The following POLR2E variants were observed in gnomAD, a reference collection of about 807,000 sequenced individuals.
POLR2E encodes RNA polymerase II, I and III subunit E.
Under a neutral mutation model 29.8 loss-of-function variants are expected in POLR2E, and 35 were observed. The observed-to-expected ratio is 1.17, with a 90% CI of 0.90 to 1.55. The LOEUF is 1.55. Ranked by LOEUF, POLR2E falls within the 40% of genes most tolerant of loss-of-function variation. The pLI is 0.00. For missense variants in POLR2E, 287 were observed against 288.6 expected (o/e 0.99, Z 0.04); for synonymous variants, 174 against 112.6 (o/e 1.55, Z -3.45).
At position 1,088,510 on chromosome 19, in the gene POLR2E, C is replaced by G. The variant is rs912917150; in HGVS notation, c.*225G>C. On this transcript the variant is annotated 3_prime_UTR_variant, in exon 8 of 8. Transcript: ENST00000615234. ...CCTCCCTCTGGGGGCCTTGTTCCTT[C>G]TGAGGCTGCATCTCGCACAAATCCA... 3 of 152,158 alleles carry G rather than the reference C, an allele frequency of 2.0e-5. No homozygotes were observed. Among genetic ancestry groups the G allele is most frequent in the African/African-American group, 7.3e-5 (3 of 41,318 alleles). 9.4% of individuals were successfully genotyped at this position (152,158 alleles called of 1,614,324 possible).
chr19:1,089,417 G>T, intron 7 of POLR2E, 55 bp downstream of exon 7: 2 of 1,185,868 alleles, frequency 1.7e-6, no homozygotes, highest in Non-Finnish European at 1.3e-6. Context: ...CCGACGGAGG[G>T]GACGACACCC....
At chr19:1,090,679 A>G (rs1176490657) in intron 4 of POLR2E, among the ~76,000 whole-genome samples, 1 of 151,612 alleles carries the variant, frequency 6.6e-6, no homozygotes. Flanking sequence ...CGGCCTCCCA[A>G]AGTGCTGGGA....
In POLR2E at chr19:1,090,983, C is replaced by A. The variant is rs1006667623; in HGVS notation, c.354G>T (p.Leu118=). 6.2e-7 allele frequency: 1 copy of A among 1,613,520 alleles called. No homozygotes were observed. Among genetic ancestry groups the A allele is most frequent in the Non-Finnish European group, 8.5e-7 (1 of 1,179,974 alleles). Residue 118 remains leucine (L), a synonymous_variant, in exon 4 of 8, where the codon CTG becomes CTT. Transcript: ENST00000615234. ...QGMTPSAKQS[L]VDMAPKYILE... is the part of the protein sequence containing the mutation. ...GGATGTACTTGGGGGCCATGTCGACCAGGGACTGGAAGAGAGCGGCTCTAA... is the reference window on the plus strand; with the variant it reads ...GGATGTACTTGGGGGCCATGTCGACAAGGGACTGGAAGAGAGCGGCTCTAA...
chr19:1,093,204 A>C (rs544882713), intron 2 of POLR2E, among the ~76,000 whole-genome samples: 21 of 152,248 alleles, frequency 1.4e-4, no homozygotes, highest in Admixed American at 3.9e-4. Flanking sequence ...AAAACAAAAA[A>C]AAAACAAAAA....
chr19:1,089,036 G>A (rs1210274777), intron 7 of POLR2E, among the ~76,000 whole-genome samples: 1 of 152,224 alleles, frequency 6.6e-6, no homozygotes, highest in Non-Finnish European at 1.5e-5. Flanking sequence ...GCCATGGGCA[G>A]AGGCTGTCCC....
chr19:1,091,167 T>A (rs889277861), intron 3 of POLR2E, among the ~76,000 whole-genome samples, 179 bp from the exon 4 acceptor site: 1 of 152,240 alleles, frequency 6.6e-6, no homozygotes, highest in African/African-American at 2.4e-5. Flanking sequence ...CCAGCCTCTC[T>A]GCTCATCGAG....
chr19:1,090,757 G>A (rs2145137404), intron 4 of POLR2E, 151 bp downstream of exon 4: 6 of 665,644 alleles, frequency 9.0e-6, no homozygotes, highest in Non-Finnish European at 1.5e-5. Context: ...TTCGGCTGCT[G>A]CAGGCCCAGG....
At chr19:1,090,765 A>G in intron 4 of POLR2E, 143 bp downstream of exon 4, 1 of 703,560 alleles carries the variant, frequency 1.4e-6, no homozygotes, top group Non-Finnish European at 2.3e-6. Context: ...CTGCAGGCCC[A>G]GGGCCACCCT....
At chr19:1,093,818 G>A in intron 2 of POLR2E, 86 bp downstream of exon 2, 1 of 1,460,046 alleles carries the variant, frequency 6.8e-7, no homozygotes, top group South Asian at 1.4e-5. Context: ...CTGGGCACCA[G>A]GCGAGTGGGG....
rs1260333177 is a variant in POLR2E, at chr19:1,087,549, C to T, written c.*1186G>A. ...CAGCCCTGGGAACCCCCATCCCCAC[C>T]CAACTCCCCAGTCCCGGGAACCCCC... is the stretch of plus-strand genomic sequence containing the variant. On this transcript the variant is annotated 3_prime_UTR_variant, in exon 8 of 8. Coordinates refer to ENST00000615234, the MANE Select transcript of POLR2E (RefSeq NM_002695.5). The T allele has an allele frequency of 3.9e-5, 6 of 152,064 alleles. No individual in the cohort carries two copies. The East Asian group carries it at 1.2e-3, about 29-fold the overall frequency. The allele number at this position is 152,064 out of a possible 1,614,324, so 9.4% of individuals were successfully genotyped here.
intron 6 of POLR2E, 151 bp downstream of exon 6, chr19:1,089,733 G>A: frequency 1.3e-6 from 1 of 792,124 alleles, no homozygotes; most frequent in Non-Finnish European, 2.1e-6. Flanking sequence ...AGTGGCCCTG[G>A]CTTTAAGAGG....
At chr19:1,091,025 G>T (rs747075667) in intron 3 of POLR2E, 37 bp from the exon 4 acceptor site, 1 of 1,590,314 alleles carries the variant, frequency 6.3e-7, no homozygotes, top group Non-Finnish European at 8.6e-7. Flanking sequence ...GCCCGGAGGG[G>T]CCCAGACAAC....
Position 1,088,530 on chromosome 19 carries a change from A to AATCCACAGGTGAATGGGGCGGGCTG in POLR2E, c.*180_*204dup, listed in dbSNP as rs1368118577. 8.6e-5 allele frequency: 13 copies of AATCCACAGGTGAATGGGGCGGGCTG among 151,840 alleles called. No individual in the cohort carries two copies. The highest frequency in any genetic ancestry group is 1.5e-4 in the Non-Finnish European group (10 of 68,096). The allele number at this position is 151,840 out of a possible 1,614,324, so 9.4% of individuals were successfully genotyped here. On this transcript the variant is annotated 3_prime_UTR_variant, in exon 8 of 8. Transcript: ENST00000615234. ...TCCTTCTGAGGCTGCATCTCGCACA[A>AATCCACAGGTGAATGGGGCGGGCTG]ATCCACAGGTGAATGGGGCGGGCTG... is the stretch of plus-strand genomic sequence containing the variant.
intron 3 of POLR2E, chr19:1,091,356 G>A (rs2145139178): frequency 2.7e-6 from 1 of 368,506 alleles, no homozygotes; most frequent in Non-Finnish European, 5.1e-6. Context: ...TCTGCTGACT[G>A]CCCGTCACAG....
rs1244726157 is a variant in POLR2E, at chr19:1,093,892, C to T, written c.232+12G>A. 7.0e-6 allele frequency: 11 copies of T among 1,570,296 alleles called. No homozygotes were observed. In the Admixed American group the frequency reaches 8.9e-5, roughly 13 times the overall value. On this transcript the variant is annotated intron_variant, in intron 2 of 7. Transcript: ENST00000615234. ...TGGCTTCACCGGAACTCCCCCGGGA[C>T]CCGCTGCTCACCTGGAAAGAACACA...
At position 1,094,019 on chromosome 19, in the gene POLR2E, C is replaced by T. The variant is rs914404373; in HGVS notation, c.117G>A (p.Glu39=). 2 of 1,613,848 alleles carry T rather than the reference C, an allele frequency of 1.2e-6. No homozygotes were observed. Among genetic ancestry groups the T allele is most frequent in the East Asian group, 2.2e-5 (1 of 44,880 alleles). Residue 39 remains glutamate, a synonymous_variant, in exon 2 of 8, where the codon GAG becomes GAA. Coordinates refer to ENST00000615234, the MANE Select transcript of POLR2E (RefSeq NM_002695.5). ...GCTTGTCCCCAGATTGGGCTTTGAA[C>T]TCCTCCAGGGTCTGGTCAAGCTCGT... is the stretch of plus-strand genomic sequence containing the variant. ...TQDELDQTLE[E]FKAQSGDKPS...
chr19:1,089,452 C>T lies in POLR2E; in HGVS notation c.*14+20G>A. The T allele has an allele frequency of 6.4e-7, 1 of 1,564,514 alleles. No homozygotes were observed. Among genetic ancestry groups the T allele is most frequent in the Non-Finnish European group, 8.8e-7 (1 of 1,135,852 alleles). ...CCTGCCTCTGACCCCACCTCAGTGC[C>T]TGTCCCTCGGCCGTCTCACCTGTCA... On this transcript the variant is annotated intron_variant, in intron 7 of 7. Coordinates refer to ENST00000615234, the MANE Select transcript of POLR2E (RefSeq NM_002695.5).
chr19:1,090,534 C>T (rs998092585), intron 4 of POLR2E, among the ~76,000 whole-genome samples: 3 of 139,416 alleles, frequency 2.2e-5, no homozygotes, highest in Non-Finnish European at 3.0e-5. Flanking sequence ...GGCACAATCT[C>T]GGCTCCCCGA....
intron 1 of POLR2E, 79 bp from the exon 2 acceptor site, chr19:1,094,157 G>C: frequency 4.4e-6 from 6 of 1,372,054 alleles, no homozygotes; most frequent in Non-Finnish European, 6.0e-6. Context: ...AGTCAGACCT[G>C]CGGCTGCTGC....
Sources: gnomAD v4.1 joint callset for allele counts (sites outside exome capture counted in the v4.1 genomes callset) on GRCh38, gnomAD v4.1.1 for gene constraint, MANE v1.5 for transcripts, NCBI Gene and HGNC (gene_info 2026-07-23, HGNC 2026-07-21) for gene names.